Variants in SAMMSON observed in about 807,000 individuals in gnomAD.
The protein encoded by SAMMSON is long intergenic non-protein coding RNA 1212.
At chr3:70,078,919 T>C (rs2067258351) in intron 4 of SAMMSON, among the ~76,000 whole-genome samples, 1 of 152,180 alleles carries the variant, frequency 6.6e-6, no homozygotes, top group Non-Finnish European at 1.5e-5. Context: ...CTATAACAGA[T>C]GTTGGCAAAA....
intron 7 of SAMMSON, among the ~76,000 whole-genome samples, chr3:70,296,456 C>T (rs950991286): frequency 6.6e-6 from 1 of 152,062 alleles, no homozygotes; most frequent in Non-Finnish European, 1.5e-5. Context: ...TTATAGAACC[C>T]ATCACCTCTC....
At chr3:70,003,014 T>A (rs115690150) in intron 1 of SAMMSON, among the ~76,000 whole-genome samples, 80 of 152,270 alleles carry the variant, frequency 5.3e-4, no homozygotes, top group African/African-American at 1.9e-3. Flanking sequence ...AATTTTTGAT[T>A]CATGTATTTT....
At chr3:70,028,145 T>C (rs1441510626) in intron 3 of SAMMSON, among the ~76,000 whole-genome samples, 5 of 37,804 alleles carry the variant, frequency 1.3e-4, no homozygotes. Context: ...CTTCCTTCTT[T>C]CCTTCCTTCC....
intron 7 of SAMMSON, among the ~76,000 whole-genome samples, chr3:70,330,318 A>C (rs1047949918): frequency 1.3e-5 from 2 of 151,964 alleles, no homozygotes; most frequent in Non-Finnish European, 2.9e-5. Context: ...ATCTTTTTCT[A>C]TAATTAGTTA....
intron 7 of SAMMSON, among the ~76,000 whole-genome samples, chr3:70,313,315 AT>A (rs930089319): frequency 2.9e-4 from 43 of 150,808 alleles, no homozygotes; most frequent in African/African-American, 8.7e-4. Context: ...AAAAATTTAA[AT>A]TTTTTTTTTA....
intron 4 of SAMMSON, chr3:70,125,686 T>C (rs1559519352): frequency 1.4e-6 from 1 of 696,764 alleles, no homozygotes; most frequent in Non-Finnish European, 2.6e-6. Context: ...TTGTGGTTGG[T>C]CAAATACATC....
chr3:70,021,630 T>G (rs1000466208), intron 3 of SAMMSON, among the ~76,000 whole-genome samples: 1 of 152,206 alleles, frequency 6.6e-6, no homozygotes, highest in East Asian at 1.9e-4. Context: ...CAAATCATTT[T>G]CAGTGGAACG....
chr3:70,291,305 C>T (rs1485642013), intron 7 of SAMMSON: 1 of 151,958 alleles, frequency 6.6e-6, no homozygotes, highest in Non-Finnish European at 1.5e-5. Flanking sequence ...TAATAGCAGC[C>T]AACTCATTTT....
At chr3:70,064,462 A>C (rs2067201992) in intron 3 of SAMMSON, among the ~76,000 whole-genome samples, 1 of 152,156 alleles carries the variant, frequency 6.6e-6, no homozygotes, top group Non-Finnish European at 1.5e-5. Flanking sequence ...AAGTCTATAA[A>C]GAAATGGGAG....
intron 3 of SAMMSON, among the ~76,000 whole-genome samples, chr3:70,063,643 T>C (rs977801981): frequency 1.3e-5 from 2 of 152,122 alleles, no homozygotes; most frequent in Admixed American, 1.3e-4. Context: ...CATATCCCTG[T>C]CTCCATCTTT....
chr3:70,043,926 A>G (rs976088141), intron 3 of SAMMSON, among the ~76,000 whole-genome samples: 4 of 152,084 alleles, frequency 2.6e-5, no homozygotes, highest in Non-Finnish European at 5.9e-5. Context: ...AAAATCTAAC[A>G]AAAGTTAAAG....
intron 6 of SAMMSON, among the ~76,000 whole-genome samples, chr3:70,283,308 T>G (rs1702107426): frequency 6.6e-6 from 1 of 152,072 alleles, no homozygotes; most frequent in Non-Finnish European, 1.5e-5. Flanking sequence ...TTCAATGCAC[T>G]GTGCCTGGCA....
chr3:70,303,310 A>C, intron 7 of SAMMSON, among the ~76,000 whole-genome samples: 1 of 152,084 alleles, frequency 6.6e-6, no homozygotes, highest in Admixed American at 6.6e-5. Context: ...CTGGCAGTCA[A>C]GTTTTCTTGG....
intron 3 of SAMMSON, among the ~76,000 whole-genome samples, chr3:70,033,545 A>C (rs2067073692): frequency 6.6e-6 from 1 of 151,984 alleles, no homozygotes; most frequent in Admixed American, 6.6e-5. Flanking sequence ...GTCTTGAAAA[A>C]CCGTATGAGA....
At chr3:70,398,337 C>T (rs1395995070) in intron 2 of SAMMSON, among the ~76,000 whole-genome samples, 2 of 152,098 alleles carry the variant, frequency 1.3e-5, no homozygotes, top group Non-Finnish European at 2.9e-5. Flanking sequence ...ACTTTTCATC[C>T]AAAATGGATT....
chr3:70,142,961 T>G (rs955966049), intron 4 of SAMMSON, among the ~76,000 whole-genome samples: 1 of 152,128 alleles, frequency 6.6e-6, no homozygotes, highest in African/African-American at 2.4e-5. Flanking sequence ...TTAGAGGGAT[T>G]GTGATCAAGT....
intron 3 of SAMMSON, among the ~76,000 whole-genome samples, chr3:70,045,188 TATA>T (rs1449044478): frequency 9.4e-5 from 13 of 138,746 alleles, no homozygotes; most frequent in Non-Finnish European, 1.4e-4. Flanking sequence ...TATCGTTAAT[TATA>T]ATATTAATTA....
intron 3 of SAMMSON, among the ~76,000 whole-genome samples, chr3:70,035,008 G>T (rs1175410379): frequency 6.6e-6 from 1 of 152,096 alleles, no homozygotes; most frequent in Non-Finnish European, 1.5e-5. Flanking sequence ...CAGATATATA[G>T]ATCAGAAGTC....
downstream of SAMMSON, among the ~76,000 whole-genome samples, chr3:70,392,517 T>C (rs1163516260): frequency 6.6e-6 from 1 of 152,118 alleles, no homozygotes; most frequent in African/African-American, 2.4e-5. Flanking sequence ...TTTATAAGGC[T>C]CACCCTAGGC....
Sources: gnomAD v4.1 joint callset for allele counts (sites outside exome capture counted in the v4.1 genomes callset) on GRCh38, gnomAD v4.1.1 for gene constraint, MANE v1.5 for transcripts, NCBI Gene and HGNC (gene_info 2026-07-23, HGNC 2026-07-21) for gene names.